The following GPHN variants were observed in gnomAD, a reference collection of about 807,000 sequenced individuals.
GPHN encodes the protein gephyrin.
A neutral mutation model predicts 95.5 loss-of-function variants in GPHN; 17 were observed. That is an observed-to-expected ratio of 0.18 (90% CI 0.12 to 0.27). The LOEUF (loss-of-function observed/expected upper bound fraction) is 0.27. Among genes scored for constraint, GPHN ranks in the 10% least tolerant of loss-of-function variants. The pLI, the probability that GPHN is intolerant of heterozygous loss-of-function variation, is 1.00. For missense variants in GPHN, 660 were observed against 978.1 expected (o/e 0.67, Z 4.34); for synonymous variants, 320 against 322.5 (o/e 0.99, Z 0.08).
chr14:67,465,307 G>GTAATGGGAAATCATTAAAGA, the GPHN span, among the ~76,000 whole-genome samples: 3 of 150,630 alleles, frequency 2.0e-5, no homozygotes, highest in Admixed American at 6.6e-5. Flanking sequence ...GTAACATAGG[G>GTAATGGGAAATCATTAAAGA]GCCGAAGGCC....
chr14:66,835,105 C>T (rs1014980219), intron 4 of GPHN, among the ~76,000 whole-genome samples: 4 of 151,610 alleles, frequency 2.6e-5, no homozygotes, highest in African/African-American at 9.7e-5. Context: ...AGTGATATCC[C>T]CTTTTTCATT....
chr14:67,133,290 T>C (rs1050227792), intron 17 of GPHN, among the ~76,000 whole-genome samples: 11 of 152,188 alleles, frequency 7.2e-5, no homozygotes, highest in African/African-American at 2.7e-4. Context: ...TTCACTCATC[T>C]TAAAATGATG....
intron 12 of GPHN, 50 bp downstream of exon 12, chr14:67,089,125 C>CTTTTTTTT (rs1264164364): frequency 1.2e-4 from 40 of 329,500 alleles, no homozygotes; most frequent in South Asian, 1.8e-4. Context: ...ATTTTTTTTT[C>CTTTTTTTT]TTTTTTTCTT....
At chr14:66,829,830 A>G (rs560369668) in intron 4 of GPHN, among the ~76,000 whole-genome samples, 12 of 152,300 alleles carry the variant, frequency 7.9e-5, no homozygotes, top group African/African-American at 2.2e-4. Context: ...TTAAAAAATG[A>G]GTGAGACTTT....
chr14:67,693,928 G>C, the GPHN span, among the ~76,000 whole-genome samples: 2 of 152,134 alleles, frequency 1.3e-5, no homozygotes, highest in East Asian at 3.9e-4. Flanking sequence ...TGGGATTACA[G>C]GTGTGAGTCA....
At chr14:66,904,659 G>C (rs928577561) in intron 5 of GPHN, among the ~76,000 whole-genome samples, 1 of 152,110 alleles carries the variant, frequency 6.6e-6, no homozygotes, top group Non-Finnish European at 1.5e-5. Context: ...GTTGGGAATT[G>C]GGCGATGCTT....
intron 2 of GPHN, among the ~76,000 whole-genome samples, chr14:66,718,397 T>C (rs2070397478): frequency 6.6e-6 from 1 of 152,110 alleles, no homozygotes; most frequent in Non-Finnish European, 1.5e-5. Flanking sequence ...ACTTCAGGAA[T>C]AAGCCACAGA....
intron 2 of GPHN, among the ~76,000 whole-genome samples, chr14:66,754,640 T>C (rs555526988): frequency 5.7e-4 from 86 of 151,986 alleles, no homozygotes; most frequent in Non-Finnish European, 1.1e-3. Flanking sequence ...TGTAAAATTA[T>C]TAAATAATTA....
chr14:66,707,996 C>CATTCTTATTAG (rs2153420308), intron 2 of GPHN, among the ~76,000 whole-genome samples: 1 of 152,076 alleles, frequency 6.6e-6, no homozygotes, highest in East Asian at 1.9e-4. Flanking sequence ...CTATAGTCAC[C>CATTCTTATTAG]CTATAAAGTT....
At chr14:66,901,417 G>A (rs1315192545) in intron 5 of GPHN, among the ~76,000 whole-genome samples, 1 of 151,886 alleles carries the variant, frequency 6.6e-6, no homozygotes, top group African/African-American at 2.4e-5. Context: ...TGCTTTTGTT[G>A]CTTGTGGTTT....
At chr14:66,995,289 A>G (rs2071709773) in intron 9 of GPHN, among the ~76,000 whole-genome samples, 2 of 152,212 alleles carry the variant, frequency 1.3e-5, no homozygotes, top group Non-Finnish European at 2.9e-5. Context: ...TAAGTATAAA[A>G]TAGCTATTTT....
At chr14:67,433,035 C>T in the GPHN span, among the ~76,000 whole-genome samples, 37 of 152,294 alleles carry the variant, frequency 2.4e-4, no homozygotes, top group African/African-American at 8.2e-4. Context: ...CACCATTCAA[C>T]GTAGTCCTCT....
At chr14:66,759,043 T>C (rs2058669959) in intron 2 of GPHN, among the ~76,000 whole-genome samples, 1 of 152,238 alleles carries the variant, frequency 6.6e-6, no homozygotes, top group Non-Finnish European at 1.5e-5. Context: ...ATTTTAATCT[T>C]ATACTTGGCT....
intron 4 of GPHN, among the ~76,000 whole-genome samples, chr14:66,844,669 A>G (rs1386692995): frequency 5.9e-5 from 9 of 152,134 alleles, no homozygotes; most frequent in Admixed American, 5.9e-4. Flanking sequence ...CAGTGTGAAG[A>G]AAAAGGATGC....
chr14:67,550,094 T>C, the GPHN span, among the ~76,000 whole-genome samples: 1 of 151,852 alleles, frequency 6.6e-6, no homozygotes, highest in African/African-American at 2.4e-5. Context: ...CCCAGCTCCG[T>C]ATTTGTGTAT....
Position 66,620,692 on chromosome 14 carries a change from T to C in GPHN, c.65-60415T>C, listed in dbSNP as rs151210068. 3.0e-3 allele frequency among the ~76,000 whole-genome samples: 456 copies of C among 152,196 alleles called. 4 individuals carry two copies. Among genetic ancestry groups the C allele is most frequent in the African/African-American group, 0.011 (438 of 41,542 alleles). On this transcript the variant is annotated intron_variant, in intron 1 of 22. Coordinates refer to ENST00000478722, the MANE Select transcript of GPHN (RefSeq NM_020806.5). ...TCTCTGACCGCTCTCAAATCTCATA[T>C]CCTCACATTTCAAAACCAGTCATGC...
At chr14:67,122,222 T>C (rs766196883) in intron 16 of GPHN, 34 bp from the exon 17 acceptor site, 17 of 1,607,794 alleles carry the variant, frequency 1.1e-5, no homozygotes, top group Middle Eastern at 1.6e-4. Flanking sequence ...ATTAACCTAA[T>C]AGAATAATTT....
At chr14:66,525,815 T>C (rs1014050284) in intron 1 of GPHN, among the ~76,000 whole-genome samples, 2 of 152,196 alleles carry the variant, frequency 1.3e-5, no homozygotes, top group Non-Finnish European at 2.9e-5. Context: ...ATGTTATTTC[T>C]GAGGCCTCTG....
At chr14:67,220,223 C>G in the GPHN span, among the ~76,000 whole-genome samples, 2 of 152,080 alleles carry the variant, frequency 1.3e-5, no homozygotes, top group Non-Finnish European at 2.9e-5. Flanking sequence ...ATGGCTTGGG[C>G]TCAGGAGCTC....
Sources: allele counts gnomAD v4.1 joint callset (sites outside exome capture counted in the v4.1 genomes callset), GRCh38; gene constraint gnomAD v4.1.1; transcripts MANE v1.5; gene names NCBI Gene and HGNC (gene_info 2026-07-23, HGNC 2026-07-21).